TPD52L1: variants seen among roughly 807,000 people sequenced by gnomAD.
The protein encoded by TPD52L1 is tumor protein D53.
In TPD52L1, 18 loss-of-function variants were observed where a neutral mutation model predicts 28.7. The observed-to-expected ratio is 0.63, with a 90% CI of 0.43 to 0.93. TPD52L1 has a LOEUF of 0.93. Ranked by LOEUF, TPD52L1 falls within the 40% of genes least tolerant of loss-of-function variation. TPD52L1 has a pLI of 0.00. For missense variants in TPD52L1, 203 were observed against 254.8 expected, an observed-to-expected ratio of 0.80 and a Z score of 1.39; for synonymous variants, 75 against 88.8, an observed-to-expected ratio of 0.84 and a Z score of 0.88.
At chr6:125,255,307 G>A (rs1284324915) in intron 5 of TPD52L1, among the ~76,000 whole-genome samples, 1 of 152,208 alleles carries the variant, frequency 6.6e-6, no homozygotes, top group African/African-American at 2.4e-5. Flanking sequence ...CTGTGTAACT[G>A]ATGGATGACA....
intron 6 of TPD52L1, among the ~76,000 whole-genome samples, chr6:125,257,555 AC>A (rs1797679147): frequency 6.6e-6 from 1 of 152,198 alleles, no homozygotes; most frequent in Non-Finnish European, 1.5e-5. Flanking sequence ...ACCAGCAAAA[AC>A]AAACTGGGGA....
intron 1 of TPD52L1, among the ~76,000 whole-genome samples, chr6:125,193,460 A>G (rs1044381291): frequency 1.3e-5 from 2 of 151,916 alleles, no homozygotes; most frequent in Non-Finnish European, 2.9e-5. Context: ...ATAGCTGAGA[A>G]CCAGTAGACT....
chr6:125,253,945 A>C, intron 5 of TPD52L1, 190 bp downstream of exon 5: 2 of 761,330 alleles, frequency 2.6e-6, no homozygotes, highest in Non-Finnish European at 4.8e-6. Flanking sequence ...TCCTGGCTTA[A>C]ATCTAGTCTT....
intron 3 of TPD52L1, 25 bp from the exon 4 acceptor site, chr6:125,248,257 C>T (rs761745326): frequency 1.9e-6 from 3 of 1,576,400 alleles, no homozygotes; most frequent in South Asian, 1.1e-5. Flanking sequence ...GATATAAAAA[C>T]CATGTTGTTC....
chr6:125,228,995 A>G, intron 2 of TPD52L1, 123 bp from the exon 3 acceptor site: 1 of 988,322 alleles, frequency 1.0e-6, no homozygotes, highest in East Asian at 2.8e-5. Flanking sequence ...TATTTGGCAA[A>G]CCTACACATG....
At position 125,257,015 on chromosome 6, in the gene TPD52L1, C is replaced by T. The variant is rs1375416510; in HGVS notation, c.426-83C>T. 6.5e-6 allele frequency: 8 copies of T among 1,226,776 alleles called. No homozygotes were observed. The Admixed American group carries it at 1.5e-4, about 23-fold the overall frequency. 76.0% of individuals were successfully genotyped at this position (1,226,776 alleles called of 1,614,324 possible). On this transcript the variant is annotated intron_variant, in intron 5 of 6. Transcript: ENST00000534000. ...AGCTCTGTGGCAGAGGCCGTGTTTA[C>T]AGATATGAGCAGAAAACCAAACAGC...
chr6:125,153,995 G>A (rs780099496), intron 1 of TPD52L1, 25 bp downstream of exon 1: 3 of 1,601,646 alleles, frequency 1.9e-6, no homozygotes, highest in Admixed American at 1.7e-5. Context: ...ATCGCCCCGA[G>A]AGTCAGGTCC....
In TPD52L1 at chr6:125,263,910, A is replaced by C. The variant is rs1798191698; in HGVS notation, c.*948A>C. 1 of 152,196 alleles carries C rather than the reference A, an allele frequency of 6.6e-6. No individual in the cohort carries two copies. The highest frequency in any genetic ancestry group is 6.5e-5 in the Admixed American group (1 of 15,276). The allele number at this position is 152,196 out of a possible 1,614,324, so 9.4% of individuals were successfully genotyped here. A position where few individuals can be genotyped will look rare whatever the true frequency, so the allele number is the denominator to read the frequency against. On this transcript the variant is annotated 3_prime_UTR_variant, in exon 7 of 7. Coordinates refer to ENST00000534000, the MANE Select transcript of TPD52L1 (RefSeq NM_003287.4). The stretch of plus-strand genomic sequence containing the variant: ...ACTGCTAATTTGGTGAACATGAGAG[A>C]GGATATGAAAATAAATATTACCTCA...
chr6:125,154,550 C>T, intron 1 of TPD52L1: 1 of 912,566 alleles, frequency 1.1e-6, no homozygotes, highest in Non-Finnish European at 1.3e-6. Context: ...CCGGTTTCCG[C>T]GATCGGGGAG....
chr6:125,171,340 C>T (rs73771249), intron 1 of TPD52L1, among the ~76,000 whole-genome samples: 1,731 of 152,228 alleles, frequency 0.011, 28 homozygotes, highest in African/African-American at 0.04. Flanking sequence ...TAAGGTGACC[C>T]CCAGTGATTT....
At chr6:125,237,835 T>A (rs1796363880) in intron 3 of TPD52L1, among the ~76,000 whole-genome samples, 1 of 152,138 alleles carries the variant, frequency 6.6e-6, no homozygotes, top group Non-Finnish European at 1.5e-5. Context: ...TTGTTTTGCT[T>A]TTTTAGTAGA....
rs1450527187 is a variant in TPD52L1, at chr6:125,165,107, G to GTA, written c.19+11146_19+11147dup. 1.9e-3 allele frequency among the ~76,000 whole-genome samples: 109 copies of GTA among 56,424 alleles called. 3 individuals are homozygous for GTA. Among genetic ancestry groups the GTA allele is most frequent in the African/African-American group, 0.019 (95 of 5,014 alleles). The allele number at this position is 56,424 out of a possible 152,430, so 37.0% of individuals were successfully genotyped here. ...AAAGATATATATATATATTTTAACT[G>GTA]TATATATATAGTTTTGTATACATAT... On this transcript the variant is annotated intron_variant, in intron 1 of 6. Transcript: ENST00000534000.
At chr6:125,181,029 G>C (rs9375390) in intron 1 of TPD52L1, among the ~76,000 whole-genome samples, 32,298 of 152,072 alleles carry the variant, frequency 0.21, 4,331 homozygotes, top group Admixed American at 0.36. Context: ...ATGGCTTAAG[G>C]CATTCTTAGA....
rs1355741740 is a variant in TPD52L1 at position 125,260,968 on chromosome 6, GAAAGAAAGA to G, written c.487-1858_487-1850del. The stretch of plus-strand genomic sequence containing the variant: ...AGAAAGAAAGAAAGAAAGAAAGAAA[GAAAGAAAGA>G]AAAGAAAAGAAAGAAAGAAAGAAAG... On this transcript the variant is annotated intron_variant, in intron 6 of 6. Transcript: ENST00000534000. 20 of 44,590 alleles carry G rather than the reference GAAAGAAAGA, an allele frequency of 4.5e-4. 1 individual carries two copies. Among genetic ancestry groups the G allele is most frequent in the South Asian group, 4.4e-3 (5 of 1,130 alleles). The allele number at this position is 44,590 out of a possible 1,614,324, so 2.8% of individuals were successfully genotyped here.
chr6:125,176,591 A>G (rs1274265665), intron 1 of TPD52L1, among the ~76,000 whole-genome samples: 1 of 152,212 alleles, frequency 6.6e-6, no homozygotes, highest in Non-Finnish European at 1.5e-5. Context: ...TTATACTAAT[A>G]CAGTAGTATA....
In TPD52L1 at chr6:125,172,512, CTATATATATATATATA is replaced by C. The variant is rs60135828; in HGVS notation, c.19+18567_19+18582del. On this transcript the variant is annotated intron_variant, in intron 1 of 6. Transcript: ENST00000534000. ...TTAGCAGCTATTTCCCTCTTTCATG[CTATATATATATATATA>C]TATATATATATATATATATATATAA... is the stretch of plus-strand genomic sequence containing the variant. Among the ~76,000 whole-genome samples, 20 of 16,408 alleles carry C rather than the reference CTATATATATATATATA, an allele frequency of 1.2e-3. No homozygotes were observed. The South Asian group carries it at 0.014, about 11-fold the overall frequency. The allele number at this position is 16,408 out of a possible 152,430, so 10.8% of individuals were successfully genotyped here. A position where few individuals can be genotyped will look rare whatever the true frequency, so the allele number is the denominator to read the frequency against.
chr6:125,231,747 T>C (rs1795966647), intron 3 of TPD52L1, among the ~76,000 whole-genome samples: 1 of 152,152 alleles, frequency 6.6e-6, no homozygotes, highest in African/African-American at 2.4e-5. Context: ...CCAAGTGTGA[T>C]GTCTAGGCCT....
At chr6:125,155,745 G>A (rs1327570205) in intron 1 of TPD52L1, among the ~76,000 whole-genome samples, 3 of 152,198 alleles carry the variant, frequency 2.0e-5, no homozygotes, top group Non-Finnish European at 2.9e-5. Context: ...GCAATAATCA[G>A]AAGAGCAGAT....
intron 1 of TPD52L1, among the ~76,000 whole-genome samples, chr6:125,166,962 A>G (rs1260099700): frequency 6.6e-6 from 1 of 152,086 alleles, no homozygotes. Context: ...TTCAGCTCAA[A>G]ATAACTCTTA....
Sources: gnomAD v4.1 joint callset for allele counts (sites outside exome capture counted in the v4.1 genomes callset) on GRCh38, gnomAD v4.1.1 for gene constraint, MANE v1.5 for transcripts, NCBI Gene and HGNC (gene_info 2026-07-23, HGNC 2026-07-21) for gene names.